The following LRP1B variants were observed in gnomAD, a reference collection of about 807,000 sequenced individuals.
The protein encoded by LRP1B is LDL receptor related protein 1B.
A neutral mutation model predicts 556.6 loss-of-function variants in LRP1B; 217 were observed. That is an observed-to-expected ratio of 0.39 (90% CI 0.35 to 0.44). The LOEUF (loss-of-function observed/expected upper bound fraction) is 0.44, where lower values mean the gene tolerates loss of function less well. LRP1B is among the 20% of genes least tolerant of loss of function. LRP1B has a pLI of 1.00. For synonymous variants in LRP1B, 2,047 were observed against 1,865.8 expected, an observed-to-expected ratio of 1.10 and a Z score of -2.50; for missense variants, 5,053 against 5,620.8, an observed-to-expected ratio of 0.90 and a Z score of 3.23.
chr2:141,171,748 A>G (rs1215710125), intron 7 of LRP1B, among the ~76,000 whole-genome samples: 1 of 151,970 alleles, frequency 6.6e-6, no homozygotes, highest in Non-Finnish European at 1.5e-5. Context: ...CTTTTTTACC[A>G]TGGGTAGGTA....
chr2:141,371,626 T>C (rs1689234284), intron 3 of LRP1B, among the ~76,000 whole-genome samples: 2 of 152,120 alleles, frequency 1.3e-5, no homozygotes. Flanking sequence ...AATTTTTTAA[T>C]ATTGTAAATG....
chr2:140,965,561 A>AT (rs34025428), intron 18 of LRP1B, among the ~76,000 whole-genome samples: 1 of 7,580 alleles, frequency 1.3e-4, no homozygotes, highest in Non-Finnish European at 8.0e-4. Context: ...TTTTCTTTTA[A>AT]TTTTTTTATT....
intron 1 of LRP1B, among the ~76,000 whole-genome samples, chr2:141,862,980 T>C (rs1051527766): frequency 6.6e-6 from 1 of 152,192 alleles, no homozygotes; most frequent in Non-Finnish European, 1.5e-5. Context: ...TGAATAGACC[T>C]TCTTATTGCT....
intron 2 of LRP1B, among the ~76,000 whole-genome samples, chr2:141,737,833 A>G (rs1329074999): frequency 6.6e-6 from 1 of 152,106 alleles, no homozygotes; most frequent in Non-Finnish European, 1.5e-5. Flanking sequence ...TTTCACTAAG[A>G]CTTCTTAGTA....
intron 7 of LRP1B, among the ~76,000 whole-genome samples, chr2:141,129,794 AGT>A (rs1199783618): frequency 0.015 from 1,797 of 122,892 alleles, 50 homozygotes; most frequent in African/African-American, 0.051. Flanking sequence ...AAACAAATAG[AGT>A]TAGAAAATTT....
chr2:140,455,677 C>T (rs1573958978), intron 62 of LRP1B, among the ~76,000 whole-genome samples: 1 of 152,120 alleles, frequency 6.6e-6, no homozygotes, highest in South Asian at 2.1e-4. Context: ...TTTAGCTTCT[C>T]CATTTTGAAG....
intron 2 of LRP1B, among the ~76,000 whole-genome samples, chr2:141,518,749 G>C (rs1458890277): frequency 6.6e-6 from 1 of 152,150 alleles, no homozygotes; most frequent in Non-Finnish European, 1.5e-5. Context: ...AGAAGTTCAA[G>C]ACCAGCCTGG....
intron 40 of LRP1B, 72 bp from the exon 41 acceptor site, chr2:140,700,693 TAAAG>T: frequency 6.8e-7 from 1 of 1,467,134 alleles, no homozygotes; most frequent in Non-Finnish European, 9.3e-7. Context: ...AAATTCTCCA[TAAAG>T]AAATATTAAA....
chr2:142,044,529 C>A (rs1704187104), intron 1 of LRP1B, among the ~76,000 whole-genome samples: 1 of 151,788 alleles, frequency 6.6e-6, no homozygotes, highest in Admixed American at 6.6e-5. Context: ...AAACACTTAT[C>A]TGTACTAAGA....
chr2:141,976,370 T>A (rs563802500), intron 1 of LRP1B, among the ~76,000 whole-genome samples: 53 of 152,314 alleles, frequency 3.5e-4, no homozygotes, highest in African/African-American at 1.2e-3. Flanking sequence ...TTGCTTTTTT[T>A]AAATGGAGAG....
In LRP1B at chr2:140,989,664, G is replaced by C. The variant is rs201943916; in HGVS notation, c.2645-7C>G. The C allele has an allele frequency of 2.5e-6, 4 of 1,611,746 alleles. No homozygotes were observed. The African/African-American group carries it at 5.3e-5, about 22-fold the overall frequency. ...TCAGGACAGCTATGATTGACTGGGA[G>C]GGAGGGGGAAGCAAGATTAATTATT... is the stretch of plus-strand genomic sequence containing the variant. On this transcript the variant is annotated splice_polypyrimidine_tract_variant and splice_region_variant and intron_variant, in intron 16 of 90. Transcript: ENST00000389484.
At chr2:141,099,177 T>C (rs1386853261) in intron 7 of LRP1B, among the ~76,000 whole-genome samples, 2 of 152,118 alleles carry the variant, frequency 1.3e-5, no homozygotes, top group Non-Finnish European at 2.9e-5. Context: ...CTAAACACAG[T>C]GTCTCACCCA....
intron 1 of LRP1B, among the ~76,000 whole-genome samples, chr2:142,129,050 A>G (rs1707757543): frequency 6.6e-6 from 1 of 152,210 alleles, no homozygotes; most frequent in South Asian, 2.1e-4. Context: ...CAATAGCAGT[A>G]GTCTGCCAGT....
intron 41 of LRP1B, among the ~76,000 whole-genome samples, chr2:140,699,757 C>T (rs1300404485): frequency 6.8e-6 from 1 of 148,108 alleles, no homozygotes; most frequent in Non-Finnish European, 1.5e-5. Context: ...AACATTTTCT[C>T]ATCTGCTACA....
intron 3 of LRP1B, among the ~76,000 whole-genome samples, chr2:141,432,444 T>C (rs1680596690): frequency 6.6e-6 from 1 of 152,078 alleles, no homozygotes; most frequent in Admixed American, 6.6e-5. Flanking sequence ...AGGGTAATTC[T>C]TGCCTAATAG....
intron 35 of LRP1B, among the ~76,000 whole-genome samples, chr2:140,724,237 C>A (rs190172500): frequency 1.3e-5 from 2 of 152,192 alleles, no homozygotes; most frequent in African/African-American, 2.4e-5. Flanking sequence ...GCAATCCCAG[C>A]GCTTTGGAAG....
At chr2:141,921,497 A>T (rs1019414490) in intron 1 of LRP1B, among the ~76,000 whole-genome samples, 3 of 152,026 alleles carry the variant, frequency 2.0e-5, no homozygotes, top group African/African-American at 7.2e-5. Context: ...ATATATTCAC[A>T]TAATGAAAAA....
intron 31 of LRP1B, among the ~76,000 whole-genome samples, chr2:140,829,993 AATT>A (rs1270665763): frequency 1.3e-5 from 2 of 152,048 alleles, no homozygotes; most frequent in Admixed American, 1.3e-4. Context: ...AACACTAACA[AATT>A]GGAAAACCTA....
At chr2:141,687,306 T>A (rs1293140446) in intron 2 of LRP1B, among the ~76,000 whole-genome samples, 1 of 151,960 alleles carries the variant, frequency 6.6e-6, no homozygotes, top group African/African-American at 2.4e-5. Flanking sequence ...TTACTCTTAG[T>A]GAAAATCTGA....
Sources: gnomAD v4.1 joint callset for allele counts (sites outside exome capture counted in the v4.1 genomes callset) on GRCh38, gnomAD v4.1.1 for gene constraint, MANE v1.5 for transcripts, NCBI Gene and HGNC (gene_info 2026-07-23, HGNC 2026-07-21) for gene names.